The following KIAA1217 variants were observed in gnomAD, a reference collection of about 807,000 sequenced individuals.
KIAA1217 encodes the protein sickle tail protein homolog.
In KIAA1217, 88 loss-of-function variants were observed where a neutral mutation model predicts 163.9. The ratio of observed to expected loss-of-function variants is 0.54; its 90% confidence interval spans 0.45 to 0.64. The LOEUF is 0.64. Among genes scored for constraint, KIAA1217 ranks in the 30% least tolerant of loss-of-function variants. KIAA1217 has a pLI of 0.00. For synonymous variants in KIAA1217, 903 were observed against 923.1 expected, an observed-to-expected ratio of 0.98 and a Z score of 0.39; for missense variants, 2,372 against 2,475.0, an observed-to-expected ratio of 0.96 and a Z score of 0.88.
intron 2 of KIAA1217, among the ~76,000 whole-genome samples, chr10:24,143,270 T>C (rs1336195419): frequency 3.3e-5 from 5 of 152,018 alleles, no homozygotes; most frequent in Admixed American, 6.5e-5. Flanking sequence ...GCAATATCCA[T>C]TTCTTCTTTT....
chr10:24,180,412 G>C (rs2066119669), intron 2 of KIAA1217, among the ~76,000 whole-genome samples: 1 of 151,022 alleles, frequency 6.6e-6, no homozygotes, highest in African/African-American at 2.4e-5. Flanking sequence ...TCAGCCTCCT[G>C]AGTATCTGGG....
intron 1 of KIAA1217, among the ~76,000 whole-genome samples, chr10:23,836,827 G>T (rs1554806886): frequency 6.6e-6 from 1 of 151,704 alleles, no homozygotes; most frequent in Non-Finnish European, 1.5e-5. Context: ...CTACTCAGGA[G>T]TCTGAGGTGA....
chr10:24,110,727 T>C (rs1213933151), intron 2 of KIAA1217, among the ~76,000 whole-genome samples: 1 of 152,234 alleles, frequency 6.6e-6, no homozygotes, highest in Non-Finnish European at 1.5e-5. Context: ...TATTGCCCAA[T>C]GGCAAAACGG....
At chr10:24,116,999 T>C (rs541404874) in intron 2 of KIAA1217, among the ~76,000 whole-genome samples, 1 of 152,178 alleles carries the variant, frequency 6.6e-6, no homozygotes, top group South Asian at 2.1e-4. Context: ...AGTATCCTTA[T>C]TCTTGGTGAT....
intron 1 of KIAA1217, among the ~76,000 whole-genome samples, chr10:23,786,079 A>C (rs940890497): frequency 2.0e-5 from 3 of 152,184 alleles, no homozygotes; most frequent in Admixed American, 6.6e-5. Flanking sequence ...CAAGGCAAGT[A>C]GTGAGAATTG....
chr10:23,946,723 C>A (rs1315795671), intron 1 of KIAA1217, among the ~76,000 whole-genome samples: 1 of 152,170 alleles, frequency 6.6e-6, no homozygotes, highest in Non-Finnish European at 1.5e-5. Context: ...CATAACAACA[C>A]ATCTTTCTGA....
intron 3 of KIAA1217, among the ~76,000 whole-genome samples, chr10:24,385,728 G>A (rs183520411): frequency 6.6e-6 from 1 of 152,148 alleles, no homozygotes; most frequent in Non-Finnish European, 1.5e-5. Flanking sequence ...TGGAATTTAT[G>A]CCACTTCTCC....
At chr10:24,015,899 G>C (rs774692899) in intron 2 of KIAA1217, among the ~76,000 whole-genome samples, 16 of 151,780 alleles carry the variant, frequency 1.1e-4, no homozygotes, top group Non-Finnish European at 2.2e-4. Context: ...CTTCCTGTTT[G>C]CGTAGGGTAA....
intron 1 of KIAA1217, among the ~76,000 whole-genome samples, chr10:23,760,306 G>A (rs1055613708): frequency 6.6e-5 from 10 of 152,206 alleles, no homozygotes; most frequent in Non-Finnish European, 1.2e-4. Context: ...TACAGTGCAT[G>A]CATGCAGCAG....
chr10:23,786,538 C>CAAAAAAA (rs4019609), intron 1 of KIAA1217, among the ~76,000 whole-genome samples: 11 of 126,902 alleles, frequency 8.7e-5, no homozygotes, highest in African/African-American at 3.2e-4. Context: ...CAGAAGTAGC[C>CAAAAAAA]AAAAAAAAAA....
chr10:23,744,734 A>G (rs949311127), intron 1 of KIAA1217, among the ~76,000 whole-genome samples: 1 of 152,212 alleles, frequency 6.6e-6, no homozygotes, highest in Non-Finnish European at 1.5e-5. Context: ...CTTGTATGTC[A>G]AAAGATTTAT....
chr10:24,479,104 T>C (rs2064354883), intron 6 of KIAA1217, among the ~76,000 whole-genome samples: 1 of 152,184 alleles, frequency 6.6e-6, no homozygotes, highest in Non-Finnish European at 1.5e-5. Flanking sequence ...GCAAACAACT[T>C]GAGTTTCTAT....
intron 1 of KIAA1217, among the ~76,000 whole-genome samples, chr10:23,780,014 G>T (rs969802544): frequency 1.3e-5 from 2 of 152,108 alleles, no homozygotes; most frequent in Non-Finnish European, 2.9e-5. Flanking sequence ...TTGTGTAAAT[G>T]CACCCTATGA....
chr10:23,975,930 G>A (rs1200886903), intron 1 of KIAA1217, among the ~76,000 whole-genome samples: 4 of 152,060 alleles, frequency 2.6e-5, no homozygotes, highest in African/African-American at 9.7e-5. Context: ...TTGATGACCT[G>A]TCAGGGCTGG....
chr10:24,481,871 C>T (rs1039721214), intron 6 of KIAA1217: 1 of 152,128 alleles, frequency 6.6e-6, no homozygotes, highest in Non-Finnish European at 1.5e-5. Flanking sequence ...GAAAAGATGT[C>T]ATTTGGGAAA....
intron 2 of KIAA1217, among the ~76,000 whole-genome samples, chr10:24,326,152 G>A (rs1371358571): frequency 2.6e-5 from 4 of 152,058 alleles, no homozygotes; most frequent in South Asian, 2.1e-4. Context: ...TTTTTACTTC[G>A]TTGTGTTTTT....
intron 1 of KIAA1217, among the ~76,000 whole-genome samples, chr10:23,823,623 T>A (rs528960010): frequency 7.9e-5 from 12 of 152,294 alleles, no homozygotes; most frequent in African/African-American, 2.9e-4. Context: ...GGCGTGGATA[T>A]GTTTGGCAGG....
chr10:23,957,380 T>C (rs1844613802), intron 1 of KIAA1217, among the ~76,000 whole-genome samples: 1 of 152,146 alleles, frequency 6.6e-6, no homozygotes, highest in Admixed American at 6.5e-5. Context: ...CCTAGCTAAC[T>C]CCTAGTCATC....
At chr10:24,168,112 A>G (rs991771499) in intron 2 of KIAA1217, among the ~76,000 whole-genome samples, 1 of 152,024 alleles carries the variant, frequency 6.6e-6, no homozygotes, top group Non-Finnish European at 1.5e-5. Flanking sequence ...CAGATTCTTC[A>G]CTCTCCAGAT....
Sources: gnomAD v4.1 joint callset for allele counts (sites outside exome capture counted in the v4.1 genomes callset) on GRCh38, gnomAD v4.1.1 for gene constraint, MANE v1.5 for transcripts, NCBI Gene and HGNC (gene_info 2026-07-23, HGNC 2026-07-21) for gene names.